Variants in PNKD observed in about 807,000 individuals in gnomAD.
The protein encoded by PNKD is PNKD metallo-beta-lactamase domain containing, also known as probable thioesterase PNKD.
A neutral mutation model predicts 45.3 loss-of-function variants in PNKD; 36 were observed. That is an observed-to-expected ratio of 0.80 (90% CI 0.61 to 1.05). PNKD has a LOEUF of 1.05. PNKD is among the 50% of genes least tolerant of loss of function. The pLI is 0.00. For synonymous variants in PNKD, 197 were observed against 210.1 expected (o/e 0.94, Z 0.54); for missense variants, 511 against 506.6 (o/e 1.01, Z -0.08).
At chr2:218,277,251 G>A (rs1291909375) in intron 2 of PNKD, 2 of 1,164,732 alleles carry the variant, frequency 1.7e-6, no homozygotes, top group East Asian at 2.3e-5. Flanking sequence ...AGTTTTGTAG[G>A]TGCGGATGAG....
chr2:218,344,472 G>T lies in PNKD; in HGVS notation c.886G>T (p.Glu296Ter). 1 of 1,582,354 alleles carries T rather than the reference G, an allele frequency of 6.3e-7. No individual in the cohort carries two copies. The change falls in exon 9 of 10, where the codon GAG (glutamate) becomes TAG (stop). Residue 296 changes from glutamate to a stop codon, truncating the protein, a stop_gained. Coordinates refer to ENST00000273077, the MANE Select transcript of PNKD (RefSeq NM_015488.5). LOFTEE classifies it high-confidence loss of function. ...GTCGGTAGGTCATGAGTATGCAGAG[G>T]AGAACCTGGGCTTTGCAGGTGTGGT... ...LLWPGHEYAE[E>*]NLGFAGVVEP...
At position 218,334,568 on chromosome 2, in the gene PNKD, G is replaced by A. The variant is rs192703829; in HGVS notation, c.237-5215G>A. 49 of 591,782 alleles carry A rather than the reference G, an allele frequency of 8.3e-5. No individual in the cohort carries two copies. In the East Asian group the frequency reaches 1.1e-3, roughly 13 times the overall value. 36.7% of individuals were successfully genotyped at this position (591,782 alleles called of 1,614,324 possible). ...CTCAGGAGGCTGAGGCGGGAGGATC[G>A]CTTGAGCCCAGGACATTAAGGCTGC... On this transcript the variant is annotated intron_variant, in intron 2 of 9. Transcript: ENST00000273077.
intron 2 of PNKD, among the ~76,000 whole-genome samples, chr2:218,309,416 C>CAAAA (rs10553302): frequency 2.6e-4 from 14 of 54,452 alleles, no homozygotes; most frequent in African/African-American, 1.1e-3. Flanking sequence ...GACTCCGCCT[C>CAAAA]AAAAAAAAAA....
At chr2:218,276,218 C>T in intron 2 of PNKD, 1 of 873,288 alleles carries the variant, frequency 1.1e-6, no homozygotes. Flanking sequence ...TACTGCCTTT[C>T]CAGATCTTGG....
In PNKD at chr2:218,341,434, A is replaced by G. The variant is rs1694669964; in HGVS notation, c.525-100A>G. 9.3e-6 allele frequency: 7 copies of G among 752,790 alleles called. No homozygotes were observed. In the South Asian group the frequency reaches 1.0e-4, roughly 11 times the overall value. The allele number at this position is 752,790 out of a possible 1,614,324, so 46.6% of individuals were successfully genotyped here. On this transcript the variant is annotated intron_variant, in intron 5 of 9. Transcript: ENST00000273077. ...GACAACTTGGCTTAGTCCAGAAGCC[A>G]CAGCCCCAGCACTTAAAGGCCTGGA... is the stretch of plus-strand genomic sequence containing the variant.
intron 2 of PNKD, among the ~76,000 whole-genome samples, chr2:218,336,785 ATTCTTTTT>A (rs1694506414): frequency 7.6e-6 from 1 of 131,604 alleles, no homozygotes; most frequent in Non-Finnish European, 1.6e-5. Flanking sequence ...CTGGCCTTCA[ATTCTTTTT>A]TTTTTTTTTT....
chr2:218,275,240 G>A (rs1217842955), intron 2 of PNKD: 6 of 438,698 alleles, frequency 1.4e-5, no homozygotes, highest in Non-Finnish European at 2.4e-5. Context: ...CACATCTTCA[G>A]CCTAGTCCCT....
At chr2:218,342,721 A>G (rs956130397) in intron 7 of PNKD, among the ~76,000 whole-genome samples, 2 of 151,990 alleles carry the variant, frequency 1.3e-5, no homozygotes, top group African/African-American at 4.8e-5. Flanking sequence ...AAAAATTTAA[A>G]TAATATAAAT....
intron 2 of PNKD, chr2:218,280,027 T>G (rs1300068689): frequency 4.3e-6 from 7 of 1,613,868 alleles, no homozygotes; most frequent in African/African-American, 1.3e-5. Context: ...GTATCTTACC[T>G]TTCGGATAAA....
At chr2:218,333,690 C>A (rs1694395198) in intron 2 of PNKD, among the ~76,000 whole-genome samples, 1 of 152,162 alleles carries the variant, frequency 6.6e-6, no homozygotes, top group Admixed American at 6.5e-5. Context: ...CCAGATCTTT[C>A]TGTTGCCAGA....
At chr2:218,338,173 A>G (rs559239960) in intron 2 of PNKD, among the ~76,000 whole-genome samples, 1 of 149,886 alleles carries the variant, frequency 6.7e-6, no homozygotes, top group African/African-American at 2.5e-5. Flanking sequence ...CAAAAATTTC[A>G]GGCTTGGCCA....
intron 2 of PNKD, among the ~76,000 whole-genome samples, chr2:218,308,727 C>T (rs1159497422): frequency 1.3e-5 from 2 of 151,920 alleles, no homozygotes; most frequent in Non-Finnish European, 2.9e-5. Flanking sequence ...GCTGGGATTA[C>T]AGGAGCTGCC....
rs1694644572 is a variant in PNKD at position 218,340,655 on chromosome 2, A to G, written c.466-73A>G. The G allele has an allele frequency of 9.1e-7, 1 of 1,095,910 alleles. No homozygotes were observed. The highest frequency in any genetic ancestry group is 1.4e-6 in the Non-Finnish European group (1 of 710,068). 67.9% of individuals were successfully genotyped at this position (1,095,910 alleles called of 1,614,324 possible). ...TCCTCTCCTCTCCACCAGCGCCCACACTCCTGGCTCTTGCTGCTTCAAGTG... is the reference window on the plus strand; with the variant it reads ...TCCTCTCCTCTCCACCAGCGCCCACGCTCCTGGCTCTTGCTGCTTCAAGTG... On this transcript the variant is annotated intron_variant, in intron 4 of 9. Transcript: ENST00000273077. This position sits in a 1 kb window ranked among gnomAD's most constrained non-coding sequence, Gnocchi z 4.2.
chr2:218,335,744 C>A (rs1694470541), intron 2 of PNKD, among the ~76,000 whole-genome samples: 1 of 152,132 alleles, frequency 6.6e-6, no homozygotes, highest in African/African-American at 2.4e-5. Context: ...CAATATAAAC[C>A]CATGGGTACA....
At chr2:218,338,880 C>T (rs568749132) in intron 2 of PNKD, among the ~76,000 whole-genome samples, 2 of 151,474 alleles carry the variant, frequency 1.3e-5, no homozygotes, top group Admixed American at 1.3e-4. Flanking sequence ...GCAGCTTCAC[C>T]CTCCCGGGCT....
At chr2:218,331,395 G>A (rs1013690124) in intron 2 of PNKD, among the ~76,000 whole-genome samples, 8 of 151,606 alleles carry the variant, frequency 5.3e-5, no homozygotes, top group Admixed American at 4.6e-4. Context: ...CAACAAGAGC[G>A]AAGCTCTGTC....
At position 218,282,170 on chromosome 2, in the gene PNKD, A is replaced by G. The variant is rs557234852; in HGVS notation, c.236+10621A>G. ...TGCTCACGGGCTGAGGGGGAACCCC[A>G]GCTGCTGGGACCTGAAATGGGAGAG... On this transcript the variant is annotated intron_variant, in intron 2 of 9. Transcript: ENST00000273077. The G allele has an allele frequency of 2.1e-6, 3 of 1,442,902 alleles. No homozygotes were observed. The South Asian group carries it at 4.5e-5, about 22-fold the overall frequency. The allele number at this position is 1,442,902 out of a possible 1,614,324, so 89.4% of individuals were successfully genotyped here.
chr2:218,332,065 T>G (rs1218443847), intron 2 of PNKD, among the ~76,000 whole-genome samples: 1 of 152,236 alleles, frequency 6.6e-6, no homozygotes, highest in Admixed American at 6.5e-5. Context: ...AAGGCCTGAC[T>G]GGAAGTTGGA....
intron 2 of PNKD, chr2:218,323,330 C>T (rs986390623): frequency 1.5e-5 from 23 of 1,575,310 alleles, no homozygotes; most frequent in Non-Finnish European, 1.7e-5. Flanking sequence ...TCCTCCTCGT[C>T]CTTGTCCTCG....
Sources: allele counts gnomAD v4.1 joint callset (sites outside exome capture counted in the v4.1 genomes callset), GRCh38; gene constraint gnomAD v4.1.1; non-coding constraint Gnocchi (gnomAD v3.1); transcripts MANE v1.5; gene names NCBI Gene and HGNC (gene_info 2026-07-23, HGNC 2026-07-21).